Variants in LRCH2 observed in about 807,000 individuals in gnomAD.
LRCH2 encodes the protein leucine rich repeats and calponin homology domain containing 2, also known as leucine-rich repeat and calponin homology domain-containing protein 2.
In LRCH2, 38 loss-of-function variants were observed where a neutral mutation model predicts 68.9. That is an observed-to-expected ratio of 0.55 (90% CI 0.43 to 0.72). The LOEUF (loss-of-function observed/expected upper bound fraction) is 0.72, where lower values mean the gene tolerates loss of function less well. LRCH2 is among the 30% of genes least tolerant of loss of function. The pLI is 0.00. For missense variants in LRCH2, 528 were observed against 572.9 expected, an observed-to-expected ratio of 0.92 and a Z score of 0.80; for synonymous variants, 191 against 208.1, an observed-to-expected ratio of 0.92 and a Z score of 0.71.
chrX:115,132,632 G>A (rs1252177397), intron 14 of LRCH2, among the ~76,000 whole-genome samples: 1 of 111,668 alleles, frequency 9.0e-6, no homozygotes, highest in African/African-American at 3.3e-5. Flanking sequence ...TCTCTCCTAT[G>A]GCAACTATCA....
intron 1 of LRCH2, among the ~76,000 whole-genome samples, chrX:115,224,671 G>A (rs1556575562): frequency 1.0e-5 from 1 of 98,798 alleles, no homozygotes; most frequent in Non-Finnish European, 2.0e-5. Context: ...GCAATACAGC[G>A]AGACTCTGTC....
chrX:115,181,938 T>G (rs1344286677), intron 3 of LRCH2, among the ~76,000 whole-genome samples: 26 of 111,856 alleles, frequency 2.3e-4, no homozygotes, highest in African/African-American at 7.5e-4. Context: ...GAACATATAT[T>G]AACTTTTTTT....
chrX:115,177,685 T>C (rs1556551258), intron 5 of LRCH2, among the ~76,000 whole-genome samples: 1 of 111,581 alleles, frequency 9.0e-6, no homozygotes, highest in Non-Finnish European at 1.9e-5. Flanking sequence ...TGCAGGTTTG[T>C]TACACAGGTA....
chrX:115,157,117 G>A (rs1370558089), intron 11 of LRCH2, among the ~76,000 whole-genome samples: 1 of 110,889 alleles, frequency 9.0e-6, no homozygotes, highest in African/African-American at 3.3e-5. Context: ...AAAAACACAA[G>A]TTTCTTAAAC....
At chrX:115,169,716 C>T (rs2072590978) in intron 6 of LRCH2, among the ~76,000 whole-genome samples, 1 of 111,401 alleles carries the variant, frequency 9.0e-6, no homozygotes, top group Non-Finnish European at 1.9e-5. Context: ...TGGATTTATA[C>T]TTTCATAAAA....
intron 11 of LRCH2, among the ~76,000 whole-genome samples, chrX:115,162,627 A>G (rs895758349): frequency 8.9e-6 from 1 of 111,961 alleles, no homozygotes; most frequent in Non-Finnish European, 1.9e-5. Context: ...AAAGACACTT[A>G]GGCAATTTAG....
chrX:115,127,174 T>C (rs1183109668), intron 15 of LRCH2, among the ~76,000 whole-genome samples: 1 of 111,192 alleles, frequency 9.0e-6, no homozygotes, highest in Non-Finnish European at 1.9e-5. Flanking sequence ...ATAGTAAAGT[T>C]TGAAAAATAC....
intron 1 of LRCH2, among the ~76,000 whole-genome samples, chrX:115,205,125 G>A (rs2072956413): frequency 9.0e-6 from 1 of 111,687 alleles, no homozygotes; most frequent in African/African-American, 3.3e-5. Flanking sequence ...GAGGGCAGGA[G>A]GAGAATGCTA....
At chrX:115,182,246 C>T (rs1556553011) in intron 3 of LRCH2, among the ~76,000 whole-genome samples, 1 of 111,084 alleles carries the variant, frequency 9.0e-6, no homozygotes, top group East Asian at 2.8e-4. Context: ...TAATTAAAAA[C>T]GTAGGGCCAA....
chrX:115,191,903 A>G (rs2072833133), intron 1 of LRCH2: 1 of 1,164,280 alleles, frequency 8.6e-7, no homozygotes, highest in Non-Finnish European at 1.1e-6. Flanking sequence ...TACGAGGAGA[A>G]CCGAGGTCAC....
intron 1 of LRCH2, among the ~76,000 whole-genome samples, chrX:115,218,661 G>A (rs782169325): frequency 3.6e-5 from 4 of 111,947 alleles, no homozygotes; most frequent in African/African-American, 1.3e-4. Flanking sequence ...CTGTTTCATC[G>A]CTTTCTGCAA....
At chrX:115,174,802 C>T (rs1054357062) in intron 5 of LRCH2, among the ~76,000 whole-genome samples, 9 of 111,506 alleles carry the variant, frequency 8.1e-5, no homozygotes, top group African/African-American at 2.9e-4. Flanking sequence ...ATTTCCTATA[C>T]ACAGCTCCTA....
intron 3 of LRCH2, 36 bp downstream of exon 3, chrX:115,184,375 G>A (rs782242637): frequency 6.3e-5 from 64 of 1,009,470 alleles, no homozygotes; most frequent in Non-Finnish European, 8.1e-5. Flanking sequence ...GATATATTAC[G>A]CATATTGCAT....
intron 1 of LRCH2, among the ~76,000 whole-genome samples, chrX:115,195,862 G>A (rs782068801): frequency 8.9e-6 from 1 of 111,868 alleles, no homozygotes; most frequent in Admixed American, 9.4e-5. Context: ...AAGAGACTGT[G>A]AGAAGGAACT....
intron 1 of LRCH2, among the ~76,000 whole-genome samples, chrX:115,230,787 T>C (rs1251107487): frequency 1.8e-5 from 2 of 111,680 alleles, no homozygotes; most frequent in Non-Finnish European, 3.8e-5. Flanking sequence ...AATGTTCTTA[T>C]TCACTCAAAG....
Position 115,113,231 on chromosome X carries a change from C to A in LRCH2, c.2283G>T (p.Gln761His), listed in dbSNP as rs375999930. The A allele has an allele frequency of 5.0e-6, 6 of 1,192,376 alleles. No homozygotes were observed. The African/African-American group carries it at 1.1e-4, about 21-fold the overall frequency. ...AAATGTTATATTAAGCCACAGAAAG[C>A]TGAGATGCCTTGGTTGTTGGTAATT... Reference protein sequence around the residue: ...LLELPTTKASQLSVA With the variant: ...LLELPTTKASHLSVA The change falls in exon 21 of 21, where the codon CAG (glutamine) becomes CAT (histidine). Residue 761 changes from glutamine (Q) to histidine (H), a missense_variant. Transcript: ENST00000317135.
chrX:115,180,144 T>C (rs1300305197), intron 3 of LRCH2, among the ~76,000 whole-genome samples: 3 of 111,682 alleles, frequency 2.7e-5, no homozygotes, highest in Non-Finnish European at 5.6e-5. Context: ...TGTCTCGAGA[T>C]ACTTGGCTGG....
intron 5 of LRCH2, among the ~76,000 whole-genome samples, chrX:115,177,047 T>A (rs2072655197): frequency 1.1e-4 from 5 of 43,583 alleles, no homozygotes; most frequent in Non-Finnish European, 2.3e-4. Flanking sequence ...GCACCCAGCC[T>A]TTTTTTTTTT....
rs1311283201 is a variant in LRCH2, at chrX:115,191,111, G to A, written c.350-2741C>T. 2.6e-6 allele frequency: 3 copies of A among 1,166,973 alleles called. No homozygotes were observed. The highest frequency in any genetic ancestry group is 3.4e-6 in the Non-Finnish European group (3 of 872,891). The stretch of plus-strand genomic sequence containing the variant: ...GGAGAAGGCCGCTATGAGTACCGAG[G>A]CCGCTCGCATGACGCCCACAGTGGG... On this transcript the variant is annotated intron_variant, in intron 1 of 20. Transcript: ENST00000317135.
Sources: allele counts gnomAD v4.1 joint callset (sites outside exome capture counted in the v4.1 genomes callset), GRCh38; gene constraint gnomAD v4.1.1; transcripts MANE v1.5; gene names NCBI Gene and HGNC (gene_info 2026-07-23, HGNC 2026-07-21).